Variants in PLEKHA5 observed in about 807,000 individuals in gnomAD.
PLEKHA5 encodes pleckstrin homology domain-containing family A member 5.
PLEKHA5 carries 55 observed loss-of-function variants against 181.9 expected under a neutral mutation model. The ratio of observed to expected loss-of-function variants is 0.30; its 90% CI spans 0.24 to 0.38. The LOEUF (loss-of-function observed/expected upper bound fraction) is 0.38, where lower values mean the gene tolerates loss of function less well. Among genes scored for constraint, PLEKHA5 ranks in the 10% least tolerant of loss-of-function variants. PLEKHA5 has a pLI of 1.00. For missense variants in PLEKHA5, 1,432 were observed against 1,549.5 expected, an observed-to-expected ratio of 0.92 and a Z score of 1.27; for synonymous variants, 535 against 529.4, an observed-to-expected ratio of 1.01 and a Z score of -0.15.
In PLEKHA5 at chr12:19,265,113, A is replaced by G. The variant is rs182322744; in HGVS notation, c.611-637A>G. On this transcript the variant is annotated intron_variant, in intron 7 of 31. Coordinates refer to ENST00000429027, the MANE Select transcript of PLEKHA5 (RefSeq NM_001256470.2). ...ACCTTCAAAGTTAAATGTTTTAAAA[A>G]GCGTATAATTTATATAGCATAGTTC... 2.0e-3 allele frequency among the ~76,000 whole-genome samples: 298 copies of G among 152,376 alleles called. 2 individuals are homozygous for G. The highest frequency in any genetic ancestry group is 3.4e-3 in the Middle Eastern group (1 of 294).
intron 5 of PLEKHA5, among the ~76,000 whole-genome samples, chr12:19,256,870 A>T (rs2067017220): frequency 6.6e-6 from 1 of 152,154 alleles, no homozygotes; most frequent in Non-Finnish European, 1.5e-5. Flanking sequence ...AGTAAACCCC[A>T]TCTGTCTAGT....
chr12:19,270,815 T>C (rs930023265), intron 10 of PLEKHA5, among the ~76,000 whole-genome samples: 5 of 152,198 alleles, frequency 3.3e-5, no homozygotes, highest in East Asian at 1.9e-4. Context: ...TTCTTTTTTT[T>C]CCCTCTTCTC....
chr12:19,353,131 T>G (rs2094700682), intron 25 of PLEKHA5, among the ~76,000 whole-genome samples: 1 of 151,464 alleles, frequency 6.6e-6, no homozygotes, highest in Non-Finnish European at 1.5e-5. Context: ...TGACTGACTT[T>G]GACTCTTTTA....
At chr12:19,165,649 C>T (rs1456467140) in intron 3 of PLEKHA5, among the ~76,000 whole-genome samples, 1 of 152,126 alleles carries the variant, frequency 6.6e-6, no homozygotes, top group Non-Finnish European at 1.5e-5. Flanking sequence ...CCTGTAATAC[C>T]TGTTCAACCT....
intron 3 of PLEKHA5, among the ~76,000 whole-genome samples, chr12:19,172,636 C>T (rs1173190252): frequency 1.2e-4 from 18 of 152,194 alleles, no homozygotes; most frequent in Admixed American, 1.1e-3. Flanking sequence ...CAACTGTTTG[C>T]TTGATTAAGT....
intron 3 of PLEKHA5, among the ~76,000 whole-genome samples, chr12:19,206,820 T>C (rs748876983): frequency 1.1e-4 from 16 of 152,156 alleles, no homozygotes; most frequent in Non-Finnish European, 1.8e-4. Flanking sequence ...CCCACTTCTT[T>C]ATACTGACTC....
intron 3 of PLEKHA5, among the ~76,000 whole-genome samples, chr12:19,213,082 AT>A (rs1182895494): frequency 6.6e-6 from 1 of 152,124 alleles, no homozygotes. Context: ...TTATTTACAC[AT>A]TCCAGACCCA....
At chr12:19,260,394 A>G (rs1321180761) in intron 6 of PLEKHA5, among the ~76,000 whole-genome samples, 1 of 152,206 alleles carries the variant, frequency 6.6e-6, no homozygotes, top group African/African-American at 2.4e-5. Context: ...TACAAATACG[A>G]AGCCAAATCA....
chr12:19,368,918 A>G (rs1206996311), intron 30 of PLEKHA5, among the ~76,000 whole-genome samples: 1 of 152,016 alleles, frequency 6.6e-6, no homozygotes, highest in Non-Finnish European at 1.5e-5. Flanking sequence ...TAAAACCACA[A>G]CATTTAAATC....
At chr12:19,253,460 T>C (rs554087190) in intron 3 of PLEKHA5, among the ~76,000 whole-genome samples, 166 of 152,190 alleles carry the variant, frequency 1.1e-3, no homozygotes, top group African/African-American at 3.4e-3. Context: ...TGTAAAAATA[T>C]AAGTAACATT....
At chr12:19,366,938 G>T (rs187954371) in intron 30 of PLEKHA5, among the ~76,000 whole-genome samples, 380 of 151,696 alleles carry the variant, frequency 2.5e-3, no homozygotes, top group African/African-American at 9.1e-3. Context: ...TTTCCTGGAG[G>T]CAGAGTACTC....
chr12:19,369,005 A>G (rs189918303), intron 30 of PLEKHA5, among the ~76,000 whole-genome samples: 17 of 151,862 alleles, frequency 1.1e-4, no homozygotes, highest in African/African-American at 3.9e-4. Context: ...AAAAAAATGT[A>G]AAGTATTTTT....
chr12:19,167,609 A>G (rs2044790588), intron 3 of PLEKHA5, among the ~76,000 whole-genome samples: 1 of 151,806 alleles, frequency 6.6e-6, no homozygotes, highest in African/African-American at 2.4e-5. Flanking sequence ...CAGCCCAAAG[A>G]TGATTATTTG....
Position 19,253,924 on chromosome 12 carries a change from T to G in PLEKHA5, c.228-16T>G. 1 of 1,492,076 alleles carries G rather than the reference T, an allele frequency of 6.7e-7. No individual in the cohort carries two copies. Among genetic ancestry groups the G allele is most frequent in the Non-Finnish European group, 9.3e-7 (1 of 1,076,450 alleles). 92.4% of individuals were successfully genotyped at this position (1,492,076 alleles called of 1,614,324 possible). On this transcript the variant is annotated splice_polypyrimidine_tract_variant and intron_variant, in intron 3 of 31. Coordinates refer to ENST00000429027, the MANE Select transcript of PLEKHA5 (RefSeq NM_001256470.2). ...AAATACCTGCATGTTCTGTTTTTCTTTTTTCCTTTTTTCAGCCATAATGAA... is the reference window on the plus strand; with the variant it reads ...AAATACCTGCATGTTCTGTTTTTCTGTTTTCCTTTTTTCAGCCATAATGAA...
chr12:19,330,280 CATAGAATGACTACA>C (rs2153087454), intron 20 of PLEKHA5, among the ~76,000 whole-genome samples: 1 of 152,154 alleles, frequency 6.6e-6, no homozygotes, highest in South Asian at 2.1e-4. Flanking sequence ...ATAGCTAAAA[CATAGAATGACTACA>C]ATTGTGGTCA....
chr12:19,340,420 C>A (rs1363245868), intron 21 of PLEKHA5, among the ~76,000 whole-genome samples: 2 of 140,160 alleles, frequency 1.4e-5, no homozygotes, highest in African/African-American at 2.5e-5. Context: ...TGAGGGGCGC[C>A]TCTGCCCGGC....
rs1381718780 is a variant in PLEKHA5 at position 19,314,884 on chromosome 12, T to C, written c.2108T>C (p.Leu703Pro). 6.5e-7 allele frequency: 1 copy of C among 1,534,948 alleles called. No individual in the cohort carries two copies. Among genetic ancestry groups the C allele is most frequent in the East Asian group, 2.5e-5 (1 of 40,802 alleles). ...MIENSALRPQ[L>P]YQQFLRQKSK... is the part of the protein sequence containing the mutation. ...GAGAACTCGGCGCTAAGACCCCAAC[T>C]GTACCAGCAAGTAAGGTCTTGGACA... The change falls in exon 16 of 32, where the codon CTG (leucine) becomes CCG (proline). Residue 703 changes from leucine (L) to proline (P), a missense_variant. By Grantham distance (98) the Leu-to-Pro change is moderately conservative. Around this residue, in one of 2 missense-constraint regions of PLEKHA5, gnomAD observed 1,143 missense variants for 1,168.4 expected, o/e 0.98. Transcript: ENST00000429027.
intron 3 of PLEKHA5, among the ~76,000 whole-genome samples, chr12:19,156,682 T>C (rs2151401066): frequency 6.6e-6 from 1 of 152,096 alleles, no homozygotes; most frequent in Non-Finnish European, 1.5e-5. Flanking sequence ...AATTTCCCTC[T>C]TTTACAGAAC....
At chr12:19,253,317 CA>C (rs1381337792) in intron 3 of PLEKHA5, among the ~76,000 whole-genome samples, 1 of 151,062 alleles carries the variant, frequency 6.6e-6, no homozygotes, top group East Asian at 2.0e-4. Context: ...TCAAGTGATC[CA>C]CCTTCCTTGG....
Sources: allele counts gnomAD v4.1 joint callset (sites outside exome capture counted in the v4.1 genomes callset), GRCh38; gene constraint gnomAD v4.1.1; regional missense constraint gnomAD v4.1.1; transcripts MANE v1.5; gene names NCBI Gene and HGNC (gene_info 2026-07-23, HGNC 2026-07-21).